Variants in DENND3 observed in about 807,000 individuals in gnomAD.
The protein encoded by DENND3 is DENN domain-containing protein 3.
A neutral mutation model predicts 135.1 loss-of-function variants in DENND3; 88 were observed. The observed-to-expected ratio is 0.65, with a 90% confidence interval of 0.55 to 0.78. The LOEUF is 0.78. DENND3 is among the 30% of genes least tolerant of loss of function. The pLI is 0.00. For missense variants in DENND3, 1,392 were observed against 1,688.4 expected (o/e 0.82, Z 3.08); for synonymous variants, 693 against 712.3 (o/e 0.97, Z 0.43).
At chr8:141,162,514 C>T (rs1342156091) in intron 9 of DENND3, among the ~76,000 whole-genome samples, 1 of 152,272 alleles carries the variant, frequency 6.6e-6, no homozygotes, top group African/African-American at 2.4e-5. Context: ...TCCAAGAAAA[C>T]ACTGAACACA....
rs184546997 is a variant in DENND3 at position 141,146,126 on chromosome 8, G to A, written c.735+1867G>A. Among the ~76,000 whole-genome samples, 244 of 152,200 alleles carry A rather than the reference G, an allele frequency of 1.6e-3. 3 individuals are homozygous for A. The highest frequency in any genetic ancestry group is 2.9e-3 in the Admixed American group (45 of 15,292). ...CCTCCCGAAGTGCTGGGATTACAGC[G>A]TGAGCCACCGCGCCCGCCCTGGATA... On this transcript the variant is annotated intron_variant, in intron 5 of 22. Transcript: ENST00000519811. The surrounding 1 kb of genome is among the most constrained non-coding windows in gnomAD (Gnocchi z 4.3).
chr8:141,146,243 T>C lies in DENND3; in HGVS notation c.735+1984T>C, dbSNP rs1410557430. Among the ~76,000 whole-genome samples, 1 of 152,232 alleles carries C rather than the reference T, an allele frequency of 6.6e-6. No individual in the cohort carries two copies. The highest frequency in any genetic ancestry group is 1.5e-5 in the Non-Finnish European group (1 of 68,046). On this transcript the variant is annotated intron_variant, in intron 5 of 22. Coordinates refer to ENST00000519811, the MANE Select transcript of DENND3 (RefSeq NM_001352890.3). This position sits in a 1 kb window ranked among gnomAD's most constrained non-coding sequence, Gnocchi z 4.3. ...TTTTTGTTACTCTTAGATGTAGTGC[T>C]GTGTTACTTAATGAACAGGCAAACA...
intron 5 of DENND3, among the ~76,000 whole-genome samples, chr8:141,147,858 G>C (rs1039058110): frequency 2.6e-5 from 4 of 152,226 alleles, no homozygotes; most frequent in African/African-American, 9.6e-5. Flanking sequence ...GCCTCGGATT[G>C]CTGTGTTAGC....
chr8:141,144,335 T>C lies in DENND3; in HGVS notation c.735+76T>C. 1.5e-6 allele frequency: 2 copies of C among 1,310,922 alleles called. No homozygotes were observed. The highest frequency in any genetic ancestry group is 1.4e-5 in the South Asian group (1 of 73,988). 81.2% of individuals were successfully genotyped at this position (1,310,922 alleles called of 1,614,324 possible). A position where few individuals can be genotyped will look rare whatever the true frequency, so the allele number is the denominator to read the frequency against. On this transcript the variant is annotated intron_variant, in intron 5 of 22. Transcript: ENST00000519811. The surrounding 1 kb of genome is among the most constrained non-coding windows in gnomAD (Gnocchi z 4.4). ...AAGATGTTGAAGATAATGTAAATGC[T>C]CACAACTATTTCTGAAGTTCTAGCT...
chr8:141,148,569 A>T (rs1465719466), intron 5 of DENND3, among the ~76,000 whole-genome samples: 1 of 152,206 alleles, frequency 6.6e-6, no homozygotes, highest in African/African-American at 2.4e-5. Flanking sequence ...CCTGGGGCTC[A>T]AATCAAGCTG....
Position 141,182,552 on chromosome 8 carries a change from G to A in DENND3, c.2944+1698G>A, listed in dbSNP as rs930787472. On this transcript the variant is annotated intron_variant, in intron 17 of 22. Transcript: ENST00000519811. This position sits in a 1 kb window ranked among gnomAD's most constrained non-coding sequence, Gnocchi z 5.9. Reference sequence around the variant, plus strand: ...CACTCTGAGCTTCCTGTTGTGACGGGCGAGGAGTTCAGGCGGCTTCCCCTC... The same window carrying A: ...CACTCTGAGCTTCCTGTTGTGACGGACGAGGAGTTCAGGCGGCTTCCCCTC... The A allele has an allele frequency of 3.5e-5, 33 of 949,314 alleles. No homozygotes were observed. The Admixed American group carries it at 1.5e-3, about 44-fold the overall frequency. 58.8% of individuals were successfully genotyped at this position (949,314 alleles called of 1,614,324 possible). A position where few individuals can be genotyped will look rare whatever the true frequency, so the allele number is the denominator to read the frequency against.
At chr8:141,183,054 G>A (rs948370361) in intron 17 of DENND3, among the ~76,000 whole-genome samples, 5 of 152,212 alleles carry the variant, frequency 3.3e-5, no homozygotes, top group Non-Finnish European at 5.9e-5. Flanking sequence ...ACTGCCCTGC[G>A]GTCAGGCCCA....
rs1185702777 is a variant in DENND3 at position 141,151,736 on chromosome 8, C to A, written c.973C>A (p.Pro325Thr). ...CCTGTATCCGCTGCAGTGGCAGCAC[C>A]CCTTCGTGCCCATCCTGTCGGACCA... ...AYLYPLQWQH[P>T]FVPILSDQML... Residue 325 changes from proline (P) to threonine (T), a missense_variant, in exon 7 of 23, where the codon CCC becomes ACC. Pro to Thr is a conservative substitution (Grantham distance 38). Transcript: ENST00000519811. The A allele has an allele frequency of 5.0e-6, 8 of 1,614,188 alleles. No homozygotes were observed. The highest frequency in any genetic ancestry group is 6.8e-6 in the Non-Finnish European group (8 of 1,180,024).
Position 141,130,627 on chromosome 8 carries a change from T to C in DENND3, c.102+1818T>C, listed in dbSNP as rs1479419618. ...TTAATGTTATAGTTAACCAAACATA[T>C]GATTTTATTTATTTAGATGTTTTTT... On this transcript the variant is annotated intron_variant, in intron 1 of 22. Coordinates refer to ENST00000519811, the MANE Select transcript of DENND3 (RefSeq NM_001352890.3). The surrounding 1 kb of genome is among the most constrained non-coding windows in gnomAD (Gnocchi z 4.2). Among the ~76,000 whole-genome samples, 8 of 150,050 alleles carry C rather than the reference T, an allele frequency of 5.3e-5. No homozygotes were observed. The highest frequency in any genetic ancestry group is 4.0e-4 in the Admixed American group (6 of 15,060).
At chr8:141,192,948 C>G (rs1824967915) in intron 22 of DENND3, 1 of 1,334,754 alleles carries the variant, frequency 7.5e-7, no homozygotes, top group Non-Finnish European at 9.8e-7. Context: ...GCTGGAGGTC[C>G]AAAACCAAGG....
intron 8 of DENND3, among the ~76,000 whole-genome samples, chr8:141,156,613 C>T (rs549000419): frequency 3.4e-4 from 51 of 152,018 alleles, no homozygotes; most frequent in Middle Eastern, 3.4e-3. Context: ...ATTGCATACC[C>T]GTCGTATACC....
intron 20 of DENND3, among the ~76,000 whole-genome samples, chr8:141,190,807 C>T (rs543368347): frequency 4.6e-5 from 7 of 152,338 alleles, no homozygotes; most frequent in South Asian, 2.1e-4. Flanking sequence ...GGGCAGCTGG[C>T]GAGCCCGTGC....
chr8:141,150,960 G>T lies in DENND3; in HGVS notation c.855+7G>T, dbSNP rs761886539. 2 of 1,532,554 alleles carry T rather than the reference G, an allele frequency of 1.3e-6. No individual in the cohort carries two copies. The highest frequency in any genetic ancestry group is 1.7e-6 in the Non-Finnish European group (2 of 1,144,694). 94.9% of individuals were successfully genotyped at this position (1,532,554 alleles called of 1,614,324 possible). On this transcript the variant is annotated splice_region_variant and intron_variant, in intron 6 of 22. Coordinates refer to ENST00000519811, the MANE Select transcript of DENND3 (RefSeq NM_001352890.3). ...GCCTGAGAAGGTGCTACAGGTACGCGGCCCCGCCCCGGCGAGCGCGTCTTG... is the reference window on the plus strand; with the variant it reads ...GCCTGAGAAGGTGCTACAGGTACGCTGCCCCGCCCCGGCGAGCGCGTCTTG...
rs374490803 is a variant in DENND3, at chr8:141,176,674, C to T, written c.2619C>T (p.Phe873=). The T allele has an allele frequency of 3.0e-5, 48 of 1,614,128 alleles. No homozygotes were observed. The highest frequency in any genetic ancestry group is 1.0e-4 in the Admixed American group (6 of 60,010). ...GAGTGGCGTCCAAGAAAGAAGTCTT[C>T]GAAGCCAACCTGAAAACCGAGTGTG... ...KIRVASKKEV[F]EANLKTECDL... is the part of the protein sequence containing the mutation. The change falls in exon 15 of 23, where the codon TTC becomes TTT. Residue 873 remains phenylalanine, a synonymous_variant. Transcript: ENST00000519811.
At chr8:141,136,448 A>G in intron 1 of DENND3, 61 bp from the exon 2 acceptor site, 1 of 1,458,664 alleles carries the variant, frequency 6.9e-7, no homozygotes, top group Non-Finnish European at 9.1e-7. Flanking sequence ...CTCAGACAGA[A>G]AGGATACCCT....
At position 141,192,547 on chromosome 8, in the gene DENND3, T is replaced by C; in HGVS notation, c.3520T>C (p.Cys1174Arg). The C allele has an allele frequency of 6.3e-7, 1 of 1,584,230 alleles. No homozygotes were observed. Among genetic ancestry groups the C allele is most frequent in the Non-Finnish European group, 8.6e-7 (1 of 1,163,166 alleles). ...TCAGGAGGAGCAGCTGTGGGCGGCCTGTGCAGGACGCAGCGAGGTTTACAT... is the reference window on the plus strand; with the variant it reads ...TCAGGAGGAGCAGCTGTGGGCGGCCCGTGCAGGACGCAGCGAGGTTTACAT... ...LPEEEQLWAA[C>R]AGRSEVYIWS... The change falls in exon 22 of 23, where the codon TGT becomes CGT. Residue 1174 changes from cysteine (C) to arginine (R), a missense_variant. Coordinates refer to ENST00000519811, the MANE Select transcript of DENND3 (RefSeq NM_001352890.3).
chr8:141,150,429 G>T (rs1257077742), intron 5 of DENND3: 6 of 751,812 alleles, frequency 8.0e-6, no homozygotes, highest in Non-Finnish European at 9.2e-6. Flanking sequence ...AATTGTCAAA[G>T]CTATTAAAAG....
rs1407116513 is a variant in DENND3, at chr8:141,138,920, G to A, written c.501+783G>A. On this transcript the variant is annotated intron_variant, in intron 3 of 22. Transcript: ENST00000519811. This position sits in a 1 kb window ranked among gnomAD's most constrained non-coding sequence, Gnocchi z 4.8. ...GTCGATGGACCTGTGGGTTGTTTCC[G>A]CCTTTTGTCTTTGGTGTGAGCGACT... 1.3e-5 allele frequency among the ~76,000 whole-genome samples: 2 copies of A among 152,096 alleles called. No individual in the cohort carries two copies. Among genetic ancestry groups the A allele is most frequent in the African/African-American group, 2.4e-5 (1 of 41,396 alleles).
chr8:141,150,397 C>T, intron 5 of DENND3: 15 of 1,045,108 alleles, frequency 1.4e-5, no homozygotes, highest in Non-Finnish European at 1.9e-5. Flanking sequence ...ATGCACATGT[C>T]TTGAAGGAGC....
Sources: gnomAD v4.1 joint callset for allele counts (sites outside exome capture counted in the v4.1 genomes callset) on GRCh38, gnomAD v4.1.1 for gene constraint, Gnocchi (gnomAD v3.1) non-coding constraint, MANE v1.5 for transcripts, NCBI Gene and HGNC (gene_info 2026-07-23, HGNC 2026-07-21) for gene names.